PLD5: variants seen among roughly 807,000 people sequenced by gnomAD.
The protein encoded by PLD5 is phospholipase D family member 5, also known as inactive phospholipase D5.
A neutral mutation model predicts 61.1 loss-of-function variants in PLD5; 36 were observed. The observed-to-expected ratio is 0.59, with a 90% CI of 0.45 to 0.78. The LOEUF (loss-of-function observed/expected upper bound fraction) is 0.78. PLD5 is among the 30% of genes least tolerant of loss of function. PLD5 has a pLI of 0.00. For missense variants in PLD5, 515 were observed against 644.4 expected (o/e 0.80, Z 2.17); for synonymous variants, 243 against 242.8 (o/e 1.00, Z -0.01).
At position 242,518,425 on chromosome 1, in the gene PLD5, C is replaced by CA. The variant is rs142107831; in HGVS notation, c.189+5662dup. 9.2e-3 allele frequency among the ~76,000 whole-genome samples: 1,398 copies of CA among 152,278 alleles called. 12 individuals carry two copies. The highest frequency in any genetic ancestry group is 0.015 in the Non-Finnish European group (993 of 68,022). On this transcript the variant is annotated intron_variant, in intron 1 of 9. Coordinates refer to ENST00000536534, the MANE Select transcript of PLD5 (RefSeq NM_001372062.1). ...TCCTCAATATATACAGTTTAAGCAA[C>CA]ATTTCTGGTGTGAGATCGTGCCACA...
chr1:242,516,250 T>TTATATATATATATATATATATATA (rs57043354), intron 1 of PLD5, among the ~76,000 whole-genome samples: 10 of 138,610 alleles, frequency 7.2e-5, no homozygotes, highest in African/African-American at 2.4e-4. Context: ...TAAAGTTAAA[T>TTATATATATATATATATATATATA]TATATATATA....
chr1:242,387,228 G>T (rs955251004), intron 1 of PLD5, among the ~76,000 whole-genome samples: 1 of 152,182 alleles, frequency 6.6e-6, no homozygotes, highest in Non-Finnish European at 1.5e-5. Flanking sequence ...AGGGTTGTGT[G>T]TGTGTCACTT....
intron 1 of PLD5, among the ~76,000 whole-genome samples, chr1:242,464,492 T>A (rs973938045): frequency 6.6e-6 from 1 of 152,140 alleles, no homozygotes; most frequent in Non-Finnish European, 1.5e-5. Flanking sequence ...GTGGCTCTAA[T>A]AAAAATTTAA....
At chr1:242,196,924 C>T (rs899003234) in intron 5 of PLD5, among the ~76,000 whole-genome samples, 1 of 152,104 alleles carries the variant, frequency 6.6e-6, no homozygotes, top group African/African-American at 2.4e-5. Context: ...ATGTATACCC[C>T]TTCAAGTATT....
intron 4 of PLD5, among the ~76,000 whole-genome samples, chr1:242,250,476 T>C (rs1446188223): frequency 6.6e-6 from 1 of 152,126 alleles, no homozygotes; most frequent in East Asian, 1.9e-4. Context: ...GATGAGAACT[T>C]TGGAATGTCT....
At chr1:242,408,808 C>T (rs1329549872) in intron 1 of PLD5, among the ~76,000 whole-genome samples, 1 of 152,194 alleles carries the variant, frequency 6.6e-6, no homozygotes, top group Non-Finnish European at 1.5e-5. Context: ...GTGGCTCACA[C>T]CTGTAATCCC....
chr1:242,198,135 T>C (rs1055330980), intron 5 of PLD5, among the ~76,000 whole-genome samples: 7 of 152,188 alleles, frequency 4.6e-5, no homozygotes, highest in African/African-American at 1.7e-4. Context: ...AGGGAAATGA[T>C]ACTTGTAGCA....
At chr1:242,166,474 G>A (rs1666311165) in intron 5 of PLD5, among the ~76,000 whole-genome samples, 1 of 151,890 alleles carries the variant, frequency 6.6e-6, no homozygotes, top group Non-Finnish European at 1.5e-5. Context: ...GCACATGTGT[G>A]CATGTACACA....
At chr1:242,267,635 T>C (rs1358537707) in intron 3 of PLD5, among the ~76,000 whole-genome samples, 1 of 151,688 alleles carries the variant, frequency 6.6e-6, no homozygotes, top group Non-Finnish European at 1.5e-5. Context: ...ATCCCAGTGC[T>C]TTGGGAGGCC....
At chr1:242,259,033 A>G (rs1457476134) in intron 4 of PLD5, among the ~76,000 whole-genome samples, 1 of 152,248 alleles carries the variant, frequency 6.6e-6, no homozygotes, top group Non-Finnish European at 1.5e-5. Context: ...CACATGACAG[A>G]TAGTCAAGAA....
intron 5 of PLD5, among the ~76,000 whole-genome samples, chr1:242,135,200 CATTT>C (rs1217084130): frequency 1.3e-5 from 2 of 152,094 alleles, no homozygotes; most frequent in South Asian, 2.1e-4. Flanking sequence ...CATATACAGA[CATTT>C]ATATCTGCAC....
intron 1 of PLD5, among the ~76,000 whole-genome samples, chr1:242,357,389 T>C (rs1660810466): frequency 1.3e-5 from 2 of 151,448 alleles, no homozygotes. Flanking sequence ...TTGATTATTA[T>C]ATGTCTTGGT....
chr1:242,112,283 CTGTGTGTGTG>C (rs748175841), intron 7 of PLD5, among the ~76,000 whole-genome samples: 48 of 119,758 alleles, frequency 4.0e-4, no homozygotes, highest in Middle Eastern at 4.5e-3. Context: ...AAAGGATGCA[CTGTGTGTGTG>C]TGTGTGTGTG....
At chr1:242,116,847 T>C (rs960636706) in intron 6 of PLD5, among the ~76,000 whole-genome samples, 4 of 152,178 alleles carry the variant, frequency 2.6e-5, no homozygotes, top group Non-Finnish European at 4.4e-5. Flanking sequence ...GGAATGAGGA[T>C]GAACTTCAAG....
chr1:242,222,672 T>G (rs1324260898), intron 4 of PLD5, among the ~76,000 whole-genome samples: 1 of 152,082 alleles, frequency 6.6e-6, no homozygotes, highest in Non-Finnish European at 1.5e-5. Context: ...CAGCACTGAG[T>G]CAATCTGAAG....
chr1:242,451,151 T>C (rs1475115062), intron 1 of PLD5, among the ~76,000 whole-genome samples: 5 of 152,148 alleles, frequency 3.3e-5, no homozygotes, highest in Non-Finnish European at 1.5e-5. Flanking sequence ...GTCTGCTTTT[T>C]TCCATTAGCC....
At chr1:242,325,372 T>C (rs202185332) in intron 2 of PLD5, among the ~76,000 whole-genome samples, 4 of 76,696 alleles carry the variant, frequency 5.2e-5, no homozygotes, top group Non-Finnish European at 1.0e-4. Context: ...TATATATATA[T>C]AGGGAGAGAG....
rs1377550080 is a variant in PLD5, at chr1:242,256,521, G to A, written c.607+8816C>T. On this transcript the variant is annotated intron_variant, in intron 4 of 9. Transcript: ENST00000536534. The surrounding 1 kb of genome is among the most constrained non-coding windows in gnomAD (Gnocchi z 5.7). ...AAGGAACAAACTTAGATTCTTTTGT[G>A]CCCTTCTGTCTTATCCGCCACGTGA... 6.6e-6 allele frequency among the ~76,000 whole-genome samples: 1 copy of A among 152,136 alleles called. No individual in the cohort carries two copies. The highest frequency in any genetic ancestry group is 6.5e-5 in the Admixed American group (1 of 15,282).
chr1:242,153,632 G>T (rs992950560), intron 5 of PLD5, among the ~76,000 whole-genome samples: 1 of 152,022 alleles, frequency 6.6e-6, no homozygotes, highest in African/African-American at 2.4e-5. Flanking sequence ...TTGCTTGTTT[G>T]TGTCAGGTTT....
Sources: gnomAD v4.1 joint callset for allele counts (sites outside exome capture counted in the v4.1 genomes callset) on GRCh38, gnomAD v4.1.1 for gene constraint, Gnocchi (gnomAD v3.1) non-coding constraint, MANE v1.5 for transcripts, NCBI Gene and HGNC (gene_info 2026-07-23, HGNC 2026-07-21) for gene names.